The following ZNF644 variants were observed in gnomAD, a reference collection of about 807,000 sequenced individuals.
The protein encoded by ZNF644 is zinc finger motif enhancer binding protein 2.
In ZNF644, 20 loss-of-function variants were observed where a neutral mutation model predicts 108.0. That is an observed-to-expected ratio of 0.19 (90% confidence interval 0.13 to 0.27). ZNF644 has a LOEUF of 0.27. Among genes scored for constraint, ZNF644 ranks in the 10% least tolerant of loss-of-function variants. The probability of loss-of-function intolerance (pLI) is 1.00; values close to 1 mark genes in which losing one functional copy is unlikely to be tolerated. For missense variants in ZNF644, 1,338 were observed against 1,548.9 expected, an observed-to-expected ratio of 0.86 and a Z score of 2.29; for synonymous variants, 542 against 539.1, an observed-to-expected ratio of 1.01 and a Z score of -0.08.
At chr1:91,008,378 T>C (rs1436741706) in intron 1 of ZNF644, among the ~76,000 whole-genome samples, 1 of 152,178 alleles carries the variant, frequency 6.6e-6, no homozygotes, top group Non-Finnish European at 1.5e-5. Context: ...AGTTCTAGAC[T>C]AATTCTAGGC....
At chr1:90,971,963 G>A (rs577959614) in intron 2 of ZNF644, among the ~76,000 whole-genome samples, 1 of 151,974 alleles carries the variant, frequency 6.6e-6, no homozygotes, top group East Asian at 1.9e-4. Flanking sequence ...CAGTGTAAAG[G>A]CTGGAAAACA....
In ZNF644 at chr1:90,938,751, T is replaced by C. The variant is rs766555179; in HGVS notation, c.2603A>G (p.Asp868Gly). Residue 868 changes from aspartate (D) to glycine (G), a missense_variant, in exon 3 of 6, where the codon GAC (aspartate) becomes GGC (glycine). Coordinates refer to ENST00000337393, the MANE Select transcript of ZNF644 (RefSeq NM_201269.3). The surrounding 1 kb of genome is among the most constrained non-coding windows in gnomAD (Gnocchi z 4.2). ...ATCTTCTATGGCCTGTGTAGTGTAG[T>C]CTCCTAACTCAACATTATCCCAGGA... Reference protein sequence around the residue: ...ESSWDNVELGDYTTQAIEDET... With the variant: ...ESSWDNVELGGYTTQAIEDET... 3.7e-5 allele frequency: 60 copies of C among 1,613,628 alleles called. No homozygotes were observed. The highest frequency in any genetic ancestry group is 6.7e-5 in the Admixed American group (4 of 59,964).
intron 2 of ZNF644, among the ~76,000 whole-genome samples, chr1:90,946,917 C>A (rs1319767009): frequency 6.6e-6 from 1 of 152,056 alleles, no homozygotes; most frequent in Non-Finnish European, 1.5e-5. Context: ...ACCATAAACA[C>A]CTAATAACTC....
intron 1 of ZNF644, among the ~76,000 whole-genome samples, chr1:91,003,371 G>A (rs971918163): frequency 1.1e-4 from 17 of 152,328 alleles, no homozygotes; most frequent in Non-Finnish European, 2.1e-4. Context: ...ATGAGTTCAT[G>A]TCCTTTGTAG....
intron 2 of ZNF644, among the ~76,000 whole-genome samples, chr1:90,951,041 T>C (rs1653103954): frequency 6.6e-6 from 1 of 152,200 alleles, no homozygotes; most frequent in African/African-American, 2.4e-5. Flanking sequence ...TTCACTGTTC[T>C]TGTTTACTCA....
At chr1:90,959,983 T>C (rs1654165989) in intron 2 of ZNF644, among the ~76,000 whole-genome samples, 1 of 152,174 alleles carries the variant, frequency 6.6e-6, no homozygotes, top group Admixed American at 6.5e-5. Context: ...CAGAGGGATA[T>C]AAATAATCCC....
intron 1 of ZNF644, chr1:91,021,538 T>C (rs1660910353): frequency 6.5e-6 from 1 of 152,932 alleles, no homozygotes; most frequent in East Asian, 1.9e-4. Context: ...GCTCACTGGC[T>C]GCTCGGCTTC....
chr1:90,955,868 A>C lies in ZNF644; in HGVS notation c.45-14559T>G, dbSNP rs149793658. The stretch of plus-strand genomic sequence containing the variant: ...TCTTTTGCATTCACAAACTTGGCTA[A>C]ATGTTTGCGGCAAGAGGCCTACCTT... On this transcript the variant is annotated intron_variant, in intron 2 of 5. Coordinates refer to ENST00000337393, the MANE Select transcript of ZNF644 (RefSeq NM_201269.3). 3.2e-3 allele frequency among the ~76,000 whole-genome samples: 487 copies of C among 152,314 alleles called. 3 individuals are homozygous for C. The highest frequency in any genetic ancestry group is 0.011 in the African/African-American group (477 of 41,564).
chr1:90,953,532 T>TA (rs201425761), intron 2 of ZNF644, among the ~76,000 whole-genome samples: 1,636 of 144,442 alleles, frequency 0.011, 28 homozygotes, highest in African/African-American at 0.038. Context: ...CCCTGGAACT[T>TA]AAAAAAAAAA....
chr1:90,953,303 T>G (rs1653387808), intron 2 of ZNF644, among the ~76,000 whole-genome samples: 2 of 151,886 alleles, frequency 1.3e-5, no homozygotes, highest in Non-Finnish European at 1.5e-5. Flanking sequence ...CCACCATTTT[T>G]TTTTTTTTTT....
intron 1 of ZNF644, among the ~76,000 whole-genome samples, chr1:91,004,031 C>T (rs1335197814): frequency 2.0e-5 from 3 of 151,902 alleles, no homozygotes; most frequent in African/African-American, 4.8e-5. Context: ...GAAAGAAAAA[C>T]CAATTTTAAA....
intron 4 of ZNF644, among the ~76,000 whole-genome samples, chr1:90,933,967 G>A (rs1384963916): frequency 6.6e-6 from 1 of 152,144 alleles, no homozygotes; most frequent in Non-Finnish European, 1.5e-5. Flanking sequence ...TAAATGTTAT[G>A]CATGTAAATT....
intron 4 of ZNF644, among the ~76,000 whole-genome samples, chr1:90,928,924 G>C (rs530087504): frequency 2.0e-5 from 3 of 152,048 alleles, no homozygotes; most frequent in South Asian, 4.2e-4. Flanking sequence ...TGGCATACTT[G>C]ATCTTTTCCC....
At chr1:90,983,846 T>C (rs561565642) in intron 1 of ZNF644, among the ~76,000 whole-genome samples, 12 of 152,304 alleles carry the variant, frequency 7.9e-5, no homozygotes, top group Non-Finnish European at 1.3e-4. Flanking sequence ...ATAATCTTGC[T>C]TGAACTCAGG....
chr1:90,977,397 A>G (rs1656123327), intron 2 of ZNF644, among the ~76,000 whole-genome samples: 1 of 152,210 alleles, frequency 6.6e-6, no homozygotes. Context: ...TGTAATACCT[A>G]AAACACAAAG....
intron 1 of ZNF644, among the ~76,000 whole-genome samples, chr1:91,013,230 T>A (rs1175753277): frequency 6.6e-6 from 1 of 151,986 alleles, no homozygotes; most frequent in Non-Finnish European, 1.5e-5. Flanking sequence ...CACACCACCA[T>A]GCCCAGCTAA....
chr1:90,969,391 AC>A (rs1368434791), intron 2 of ZNF644, among the ~76,000 whole-genome samples: 1 of 152,208 alleles, frequency 6.6e-6, no homozygotes, highest in East Asian at 1.9e-4. Context: ...TGTTTAGGCT[AC>A]CCAGTCTGTG....
chr1:90,986,416 A>G (rs949027277), intron 1 of ZNF644, among the ~76,000 whole-genome samples: 2 of 152,098 alleles, frequency 1.3e-5, no homozygotes, highest in South Asian at 4.1e-4. Context: ...ATCTTGGAAC[A>G]CAAAAAGAAC....
chr1:90,922,113 T>C (rs1016925566), intron 4 of ZNF644, among the ~76,000 whole-genome samples: 4 of 152,204 alleles, frequency 2.6e-5, no homozygotes, highest in Non-Finnish European at 5.9e-5. Flanking sequence ...CTTCACGATA[T>C]AAATGACCCA....
Sources: allele counts gnomAD v4.1 joint callset (sites outside exome capture counted in the v4.1 genomes callset), GRCh38; gene constraint gnomAD v4.1.1; non-coding constraint Gnocchi (gnomAD v3.1); transcripts MANE v1.5; gene names NCBI Gene and HGNC (gene_info 2026-07-23, HGNC 2026-07-21).